Variants in CLEC1B observed in about 807,000 individuals in gnomAD.
The protein encoded by CLEC1B is C-type lectin-like receptor 2.
CLEC1B carries 26 observed loss-of-function variants against 26.7 expected under a neutral mutation model. The ratio of observed to expected loss-of-function variants is 0.97; its 90% CI spans 0.71 to 1.35. CLEC1B has a LOEUF of 1.35. CLEC1B is among the 40% of genes most tolerant of loss of function. The pLI, the probability that CLEC1B is intolerant of heterozygous loss-of-function variation, is 0.00. For missense variants in CLEC1B, 293 were observed against 282.6 expected (o/e 1.04, Z -0.26); for synonymous variants, 112 against 96.0 (o/e 1.17, Z -0.97).
In CLEC1B at chr12:9,998,368, G is replaced by A. The variant is rs376698380; in HGVS notation, c.77C>T (p.Ser26Phe). The part of the protein sequence containing the change: ...KPALISVGSA[S>F]SSWWRVMALI... Reference sequence around the variant, plus strand: ...AGCCATCACACGCCACCAGGAGGAGGATGCAGAGCCAACTGTAGGCATATA... The same window carrying A: ...AGCCATCACACGCCACCAGGAGGAGAATGCAGAGCCAACTGTAGGCATATA... Residue 26 changes from serine (S) to phenylalanine (F), a missense_variant, in exon 2 of 6, where the codon TCC becomes TTC. Physicochemically the swap from Ser to Phe is radical, Grantham distance 155. Coordinates refer to ENST00000298527, the MANE Select transcript of CLEC1B (RefSeq NM_016509.4). The A allele has an allele frequency of 2.2e-5, 36 of 1,613,600 alleles. No individual in the cohort carries two copies. The African/African-American group carries it at 2.8e-4, about 13-fold the overall frequency.
chr12:9,998,443 ACCCCTG>A (rs1036892432), intron 1 of CLEC1B, 63 bp from the exon 2 acceptor site: 3 of 1,258,102 alleles, frequency 2.4e-6, no homozygotes, highest in East Asian at 4.7e-5. Flanking sequence ...GGGAAGGCTC[ACCCCTG>A]CCCCTGCCCC....
At chr12:9,996,752 T>A in intron 4 of CLEC1B, 94 bp downstream of exon 4, 1 of 1,288,128 alleles carries the variant, frequency 7.8e-7, no homozygotes. Context: ...CTGAAAGATG[T>A]TAAGAAAAAT....
At position 9,996,974 on chromosome 12, in the gene CLEC1B, T is replaced by C. The variant is rs778353311; in HGVS notation, c.310A>G (p.Thr104Ala). 4 of 1,614,014 alleles carry C rather than the reference T, an allele frequency of 2.5e-6. No individual in the cohort carries two copies. The African/African-American group carries it at 5.3e-5, about 22-fold the overall frequency. ...CTATCTCCATAATATCTCCAGTTTG[T>C]GTCACAGGGGCTGCATTTATGACCT... ...FKGHKCSPCD[T>A]NWRYYGDSCY... The change falls in exon 4 of 6, where the codon ACA (threonine) becomes GCA (alanine). Residue 104 changes from threonine to alanine, a missense_variant. Physicochemically the swap from Thr to Ala is moderately conservative, Grantham distance 58. Coordinates refer to ENST00000298527, the MANE Select transcript of CLEC1B (RefSeq NM_016509.4).
chr12:9,995,785 CTTTCT>C (rs996214396), intron 4 of CLEC1B: 9 of 189,014 alleles, frequency 4.8e-5, no homozygotes. Flanking sequence ...TCCCTATTTA[CTTTCT>C]TCTAATTAGC....
upstream of CLEC1B, chr12:9,999,229 G>A (rs976467860): frequency 8.8e-6 from 5 of 566,680 alleles, no homozygotes; most frequent in Admixed American, 8.6e-5. Flanking sequence ...CATGTGAGAT[G>A]GGACACATTT....
At chr12:9,993,957 G>T (rs1864963875) in intron 5 of CLEC1B, among the ~76,000 whole-genome samples, 1 of 152,116 alleles carries the variant, frequency 6.6e-6, no homozygotes, top group Admixed American at 6.6e-5. Context: ...TGTCTTTCTT[G>T]TTGGGGAACT....
At chr12:10,000,596 T>A (rs1328516916), upstream of CLEC1B, among the ~76,000 whole-genome samples, 1 of 152,252 alleles carries the variant, frequency 6.6e-6, no homozygotes, top group African/African-American at 2.4e-5. Flanking sequence ...TTGCTGTGTT[T>A]CTTATCTCAG....
chr12:9,993,307 A>G lies in CLEC1B; in HGVS notation c.546-20T>C. ...TCAAACCTGTGAAGGGAAAGTTAGA[A>G]TAAATTCCTTTGAAAACTGAGCAAA... On this transcript the variant is annotated intron_variant, in intron 5 of 5. Transcript: ENST00000298527. 8.7e-6 allele frequency: 14 copies of G among 1,606,642 alleles called. No homozygotes were observed. Among genetic ancestry groups the G allele is most frequent in the Non-Finnish European group, 1.2e-5 (14 of 1,174,476 alleles).
chr12:9,996,627 G>C, intron 4 of CLEC1B: 1 of 656,760 alleles, frequency 1.5e-6, no homozygotes, highest in Non-Finnish European at 2.8e-6. Context: ...GTCAGGAAGG[G>C]ACAAGTCAAT....
intron 3 of CLEC1B, 23 bp downstream of exon 3, chr12:9,997,137 G>A: frequency 2.5e-6 from 4 of 1,613,478 alleles, no homozygotes; most frequent in East Asian, 2.2e-5. Flanking sequence ...GAGAGATGAA[G>A]AGGTTAAAAA....
At chr12:9,995,363 G>C in intron 4 of CLEC1B, 117 bp from the exon 5 acceptor site, 1 of 818,564 alleles carries the variant, frequency 1.2e-6, no homozygotes, top group Non-Finnish European at 2.1e-6. Context: ...GTCTATATTA[G>C]TATTAATGGA....
At position 9,996,909 on chromosome 12, in the gene CLEC1B, C is replaced by G. The variant is rs1865063771; in HGVS notation, c.375G>C (p.Glu125Asp). Residue 125 changes from glutamate to aspartate, a missense_variant, in exon 4 of 6, where the codon GAG becomes GAC. Glu to Asp is a conservative substitution (Grantham distance 45). Coordinates refer to ENST00000298527, the MANE Select transcript of CLEC1B (RefSeq NM_016509.4). The stretch of plus-strand genomic sequence containing the variant: ...TCATGTCAGTGCAGTACTGCTTACT[C>G]TCTTCCCATGTTAAGTTGTGCCTGA... Reference protein sequence around the residue: ...GFFRHNLTWEESKQYCTDMNA... With the variant: ...GFFRHNLTWEDSKQYCTDMNA... 1 of 1,614,008 alleles carries G rather than the reference C, an allele frequency of 6.2e-7. No individual in the cohort carries two copies. The highest frequency in any genetic ancestry group is 1.3e-5 in the African/African-American group (1 of 75,050).
At chr12:10,000,785 C>T (rs1295378031), upstream of CLEC1B, among the ~76,000 whole-genome samples, 1 of 152,240 alleles carries the variant, frequency 6.6e-6, no homozygotes, top group Non-Finnish European at 1.5e-5. Flanking sequence ...GATCCTCCCT[C>T]TCTTCCTTCC....
intron 5 of CLEC1B, among the ~76,000 whole-genome samples, chr12:9,994,582 C>T (rs1864985142): frequency 6.6e-6 from 1 of 152,036 alleles, no homozygotes. Context: ...CAATCAGTCC[C>T]TTTGCCTGGA....
At chr12:10,000,592 T>A (rs1477522237), upstream of CLEC1B, among the ~76,000 whole-genome samples, 3 of 152,246 alleles carry the variant, frequency 2.0e-5, no homozygotes, top group Non-Finnish European at 2.9e-5. Context: ...TTTGTTGCTG[T>A]GTTTCTTATC....
intron 5 of CLEC1B, among the ~76,000 whole-genome samples, chr12:9,993,771 C>T (rs1048486415): frequency 2.6e-5 from 4 of 152,104 alleles, no homozygotes; most frequent in Non-Finnish European, 4.4e-5. Context: ...TCATCTAACA[C>T]AGCAGGCTGT....
At chr12:9,995,991 C>T (rs1865036072) in intron 4 of CLEC1B, among the ~76,000 whole-genome samples, 1 of 152,096 alleles carries the variant, frequency 6.6e-6, no homozygotes, top group Admixed American at 6.6e-5. Context: ...ATCAATCAAT[C>T]TATGGGTAAC....
chr12:9,994,829 G>GCA (rs1864993446), intron 5 of CLEC1B, among the ~76,000 whole-genome samples: 1 of 138,424 alleles, frequency 7.2e-6, no homozygotes, highest in Admixed American at 7.7e-5. Context: ...ACATGTGCAT[G>GCA]CGCGCACACA....
intron 2 of CLEC1B, 146 bp from the exon 3 acceptor site, chr12:9,997,425 G>T (rs1865081226): frequency 1.4e-6 from 1 of 700,696 alleles, no homozygotes; most frequent in Middle Eastern, 4.1e-4. Context: ...GTTGAAAAGT[G>T]TGGAGGGGCT....
Sources: allele counts gnomAD v4.1 joint callset (sites outside exome capture counted in the v4.1 genomes callset), GRCh38; gene constraint gnomAD v4.1.1; transcripts MANE v1.5; gene names NCBI Gene and HGNC (gene_info 2026-07-23, HGNC 2026-07-21).